The following DROSHA variants were observed in gnomAD, a reference collection of about 807,000 sequenced individuals.
DROSHA encodes the protein ribonuclease 3.
DROSHA carries 56 observed loss-of-function variants against 181.9 expected under a neutral mutation model. The ratio of observed to expected loss-of-function variants is 0.31; its 90% CI spans 0.25 to 0.38. The LOEUF is 0.38. Ranked by LOEUF, DROSHA falls within the 10% of genes least tolerant of loss-of-function variation. The probability of loss-of-function intolerance (pLI) is 1.00; values close to 1 mark genes in which losing one functional copy is unlikely to be tolerated. For synonymous variants in DROSHA, 524 were observed against 591.2 expected (o/e 0.89, Z 1.65); for missense variants, 1,218 against 1,743.5 (o/e 0.70, Z 5.37).
At chr5:31,488,938 T>C (rs571265598) in intron 13 of DROSHA, 1 of 152,382 alleles carries the variant, frequency 6.6e-6, no homozygotes, top group Non-Finnish European at 1.5e-5. Flanking sequence ...CTGGCGTAAG[T>C]GACCAACTAG....
At chr5:31,491,207 CA>C (rs1373606434) in intron 13 of DROSHA, among the ~76,000 whole-genome samples, 9 of 145,872 alleles carry the variant, frequency 6.2e-5, no homozygotes, top group African/African-American at 2.0e-4. Flanking sequence ...AAAAAGGATT[CA>C]AAGAAAGATT....
At chr5:31,410,220 A>C (rs1741143751) in intron 31 of DROSHA, among the ~76,000 whole-genome samples, 1 of 152,216 alleles carries the variant, frequency 6.6e-6, no homozygotes, top group African/African-American at 2.4e-5. Context: ...GAAGTAATAC[A>C]AACAATACAA....
intron 23 of DROSHA, among the ~76,000 whole-genome samples, chr5:31,441,410 C>CA (rs572672809): frequency 2.0e-5 from 3 of 149,694 alleles, no homozygotes; most frequent in East Asian, 3.9e-4. Context: ...GACCATGTCT[C>CA]AAAAAAAAAG....
intron 29 of DROSHA, among the ~76,000 whole-genome samples, chr5:31,422,552 A>G (rs1449142279): frequency 6.6e-6 from 1 of 152,148 alleles, no homozygotes; most frequent in Non-Finnish European, 1.5e-5. Context: ...TACTTCCTTC[A>G]CACTTCTCCT....
intron 35 of DROSHA, among the ~76,000 whole-genome samples, chr5:31,403,479 G>T (rs934407982): frequency 4.6e-5 from 7 of 152,122 alleles, no homozygotes; most frequent in African/African-American, 1.7e-4. Context: ...TACTCATTGG[G>T]AAAGTACAAT....
At chr5:31,522,250 A>G (rs1459185046) in intron 5 of DROSHA, among the ~76,000 whole-genome samples, 1 of 152,230 alleles carries the variant, frequency 6.6e-6, no homozygotes. Context: ...TAAAGCAGCC[A>G]GAGATTTGGA....
Position 31,486,528 on chromosome 5 carries a change from T to C in DROSHA, c.1877A>G (p.Asp626Gly). The C allele has an allele frequency of 6.2e-7, 1 of 1,613,728 alleles. No homozygotes were observed. Among genetic ancestry groups the C allele is most frequent in the Non-Finnish European group, 8.5e-7 (1 of 1,179,816 alleles). The change falls in exon 14 of 36, where the codon GAC becomes GGC. Residue 626 changes from aspartate to glycine, a missense_variant. Physicochemically the swap from Asp to Gly is moderately conservative, Grantham distance 94 (BLOSUM62 -1). Coordinates refer to ENST00000344624, the MANE Select transcript of DROSHA (RefSeq NM_001382508.1). ...PLCKVIRFNI[D>G]YTIHFIEEMM... ...CTCTTCAATGAAATGAATCGTGTAG[T>C]CTATGTTGAATCTAATTACTTTACA...
intron 30 of DROSHA, among the ~76,000 whole-genome samples, chr5:31,412,764 A>C (rs3805519): frequency 0.066 from 9,996 of 152,252 alleles, 387 homozygotes; most frequent in East Asian, 0.17. Context: ...CTAGCATATA[A>C]CATTAATATA....
chr5:31,476,369 A>T (rs1750374848), intron 16 of DROSHA, among the ~76,000 whole-genome samples: 1 of 150,872 alleles, frequency 6.6e-6, no homozygotes. Context: ...TCTATCAAAG[A>T]AAGAAAGAAA....
intron 18 of DROSHA, 88 bp downstream of exon 18, chr5:31,467,851 G>A: frequency 6.8e-7 from 1 of 1,479,930 alleles, no homozygotes; most frequent in East Asian, 2.4e-5. Flanking sequence ...TTTTAAAAAG[G>A]AAACATCCAC....
chr5:31,515,298 GC>G (rs1309963846), intron 7 of DROSHA, 79 bp from the exon 8 acceptor site: 1 of 1,464,446 alleles, frequency 6.8e-7, no homozygotes, highest in East Asian at 2.3e-5. Context: ...CCTATTTGGT[GC>G]ATTTTTCACC....
intron 20 of DROSHA, among the ~76,000 whole-genome samples, chr5:31,457,457 T>C (rs978977916): frequency 3.9e-5 from 6 of 152,084 alleles, no homozygotes; most frequent in Non-Finnish European, 8.8e-5. Context: ...GATAGTTACC[T>C]GTCCGGGGTG....
In DROSHA at chr5:31,466,174, A is replaced by G. The variant is rs773673682; in HGVS notation, c.2466+8T>C. The G allele has an allele frequency of 1.2e-6, 2 of 1,612,898 alleles. No individual in the cohort carries two copies. The highest frequency in any genetic ancestry group is 3.3e-5 in the Admixed American group (2 of 59,986). On this transcript the variant is annotated splice_region_variant and intron_variant, in intron 19 of 35. Coordinates refer to ENST00000344624, the MANE Select transcript of DROSHA (RefSeq NM_001382508.1). Reference sequence around the variant, plus strand: ...GTTAATCACCAAGGAATGGAGTTTGATACAGACCTCCCTCTGTGCCAGCTT... The same window carrying G: ...GTTAATCACCAAGGAATGGAGTTTGGTACAGACCTCCCTCTGTGCCAGCTT...
At chr5:31,482,608 G>A (rs1201641494) in intron 16 of DROSHA, among the ~76,000 whole-genome samples, 1 of 152,110 alleles carries the variant, frequency 6.6e-6, no homozygotes, top group Non-Finnish European at 1.5e-5. Flanking sequence ...TAATTATATA[G>A]CTCAGGGTAG....
At chr5:31,483,440 G>T in intron 16 of DROSHA, 114 bp downstream of exon 16, 1 of 969,224 alleles carries the variant, frequency 1.0e-6, no homozygotes, top group Non-Finnish European at 1.6e-6. Context: ...CTGAGAAGTA[G>T]ATAATTAACA....
At chr5:31,496,246 G>A (rs147736453) in intron 11 of DROSHA, among the ~76,000 whole-genome samples, 1,811 of 152,264 alleles carry the variant, frequency 0.012, 19 homozygotes, top group Middle Eastern at 0.017. Flanking sequence ...AGACCAGCCT[G>A]GGCAACAAGG....
At chr5:31,414,073 G>A (rs1016055063) in intron 30 of DROSHA, among the ~76,000 whole-genome samples, 2 of 152,200 alleles carry the variant, frequency 1.3e-5, no homozygotes, top group Non-Finnish European at 2.9e-5. Flanking sequence ...TGACCACTGG[G>A]TGGACCTGGA....
chr5:31,425,117 T>C (rs1743312098), intron 27 of DROSHA, among the ~76,000 whole-genome samples: 1 of 152,128 alleles, frequency 6.6e-6, no homozygotes, highest in Non-Finnish European at 1.5e-5. Flanking sequence ...TTTCAGACTC[T>C]AGGGAGCCTC....
Position 31,412,364 on chromosome 5 carries a change from G to A in DROSHA, c.3526-1477C>T, listed in dbSNP as rs139834983. Among the ~76,000 whole-genome samples the A allele has an allele frequency of 1.6e-3, 244 of 152,282 alleles. 1 individual carries two copies. Among genetic ancestry groups the A allele is most frequent in the African/African-American group, 5.6e-3 (234 of 41,568 alleles). On this transcript the variant is annotated intron_variant, in intron 30 of 35. Transcript: ENST00000344624. Reference sequence around the variant, plus strand: ...AAGAAACATTCCTGAAAACAGGGACGAGGAACAGGAAGCAGCTGTGAGTTG... The same window carrying A: ...AAGAAACATTCCTGAAAACAGGGACAAGGAACAGGAAGCAGCTGTGAGTTG...
Sources: gnomAD v4.1 joint callset for allele counts (sites outside exome capture counted in the v4.1 genomes callset) on GRCh38, gnomAD v4.1.1 for gene constraint, MANE v1.5 for transcripts, NCBI Gene and HGNC (gene_info 2026-07-23, HGNC 2026-07-21) for gene names.